Variants in CFAP70 observed in about 807,000 individuals in gnomAD.
CFAP70 encodes the protein cilia- and flagella-associated protein 70.
Under a neutral mutation model 137.6 loss-of-function variants are expected in CFAP70, and 81 were observed. That is an observed-to-expected ratio of 0.59 (90% confidence interval 0.49 to 0.71). The LOEUF is 0.71. Ranked by LOEUF, CFAP70 falls within the 30% of genes least tolerant of loss-of-function variation. CFAP70 has a pLI of 0.00. For missense variants in CFAP70, 976 were observed against 1,226.7 expected, an observed-to-expected ratio of 0.80 and a Z score of 3.05; for synonymous variants, 382 against 423.6, an observed-to-expected ratio of 0.90 and a Z score of 1.20.
intron 25 of CFAP70, among the ~76,000 whole-genome samples, chr10:73,265,197 C>T (rs1194988190): frequency 1.3e-5 from 2 of 151,972 alleles, no homozygotes; most frequent in African/African-American, 4.8e-5. Flanking sequence ...TGGTGGCCGG[C>T]GCCTGTAGTT....
At chr10:73,288,900 G>A (rs1329243478) in intron 19 of CFAP70, among the ~76,000 whole-genome samples, 1 of 152,182 alleles carries the variant, frequency 6.6e-6, no homozygotes, top group Non-Finnish European at 1.5e-5. Context: ...TAGCCTGAAT[G>A]CTTGGAGATG....
chr10:73,295,154 C>CA (rs1008492905), intron 15 of CFAP70: 4 of 152,640 alleles, frequency 2.6e-5, no homozygotes, highest in East Asian at 1.9e-4. Context: ...CCCATCTCTA[C>CA]AAAAAAATAC....
At chr10:73,315,000 G>C (rs879582565) in intron 9 of CFAP70, among the ~76,000 whole-genome samples, 3 of 151,854 alleles carry the variant, frequency 2.0e-5, no homozygotes, top group African/African-American at 4.8e-5. Context: ...GATCGTTTGA[G>C]CCCAGGAGTT....
chr10:73,347,897 G>A (rs971530321), intron 4 of CFAP70, among the ~76,000 whole-genome samples: 1 of 152,202 alleles, frequency 6.6e-6, no homozygotes, highest in East Asian at 1.9e-4. Flanking sequence ...TGCGGACAAA[G>A]TAACTGATAC....
chr10:73,257,508 A>G (rs2044645045), intron 25 of CFAP70, among the ~76,000 whole-genome samples: 1 of 152,232 alleles, frequency 6.6e-6, no homozygotes. Flanking sequence ...TTAAATATGT[A>G]AGAACCACAG....
At position 73,339,821 on chromosome 10, in the gene CFAP70, T is replaced by G. The variant is rs771144920; in HGVS notation, c.582+1578A>C. Among the ~76,000 whole-genome samples, 74 of 152,180 alleles carry G rather than the reference T, an allele frequency of 4.9e-4. 1 individual carries two copies. The Middle Eastern group carries it at 0.017, about 35-fold the overall frequency. ...ACCAGAAACTGAAGAGCCCCAGGTG[T>G]CAGACCTGGCTCAGGGAGCTCCTAG... On this transcript the variant is annotated intron_variant, in intron 6 of 26. Coordinates refer to ENST00000310715, the Ensembl canonical transcript of CFAP70.
intron 16 of CFAP70, among the ~76,000 whole-genome samples, chr10:73,292,463 C>T (rs571462011): frequency 1.3e-5 from 2 of 152,176 alleles, no homozygotes; most frequent in East Asian, 3.9e-4. Flanking sequence ...AATGGAAAGA[C>T]ATTTCATGTT....
chr10:73,343,510 ACCAG>A (rs1421390163), intron 5 of CFAP70, among the ~76,000 whole-genome samples: 1 of 152,108 alleles, frequency 6.6e-6, no homozygotes, highest in African/African-American at 2.4e-5. Context: ...GGAGTTCAAG[ACCAG>A]CCTGGCCAAC....
intron 9 of CFAP70, among the ~76,000 whole-genome samples, chr10:73,317,812 G>T (rs1226163972): frequency 2.0e-5 from 3 of 152,130 alleles, no homozygotes; most frequent in Admixed American, 6.5e-5. Flanking sequence ...AAGGAAGAAA[G>T]AAAAAAGAAA....
intron 25 of CFAP70, among the ~76,000 whole-genome samples, chr10:73,264,777 C>G (rs993178610): frequency 6.6e-6 from 1 of 152,134 alleles, no homozygotes; most frequent in African/African-American, 2.4e-5. Flanking sequence ...AGTCTAATTA[C>G]GTTATTCATT....
intron 9 of CFAP70, among the ~76,000 whole-genome samples, 168 bp from the exon 11 acceptor site, chr10:73,312,811 G>C (rs1274704400): frequency 1.3e-5 from 2 of 152,124 alleles, no homozygotes; most frequent in African/African-American, 4.8e-5. Context: ...TTCTAGAACA[G>C]GTAAAACCAC....
At chr10:73,352,591 C>T (rs2054361451) in intron 3 of CFAP70, among the ~76,000 whole-genome samples, 1 of 152,088 alleles carries the variant, frequency 6.6e-6, no homozygotes, top group South Asian at 2.1e-4. Context: ...CTGTGTCATT[C>T]CCCAGGTCCC....
intron 12 of CFAP70, among the ~76,000 whole-genome samples, chr10:73,309,808 C>T (rs1040378090): frequency 3.3e-5 from 5 of 151,972 alleles, no homozygotes; most frequent in Middle Eastern, 3.4e-3. Flanking sequence ...AGGTGCATGC[C>T]GCCATGCCCG....
At chr10:73,331,177 C>CATA (rs2052035714) in exon 8 of CFAP70, 2 of 1,606,570 alleles carry the variant, frequency 1.2e-6, no homozygotes, top group Non-Finnish European at 1.7e-6. Context: ...GCATATTTAC[C>CATA]TTTTCAGTTT....
At chr10:73,272,397 G>A (rs2046384316) in intron 24 of CFAP70, among the ~76,000 whole-genome samples, 1 of 152,126 alleles carries the variant, frequency 6.6e-6, no homozygotes, top group African/African-American at 2.4e-5. Flanking sequence ...GAAAGGGAGA[G>A]ACATGGAGTC....
At chr10:73,280,343 A>C (rs1185355496) in intron 19 of CFAP70, among the ~76,000 whole-genome samples, 1 of 152,032 alleles carries the variant, frequency 6.6e-6, no homozygotes, top group Admixed American at 6.5e-5. Flanking sequence ...TAAATAAATA[A>C]GTATTGTGTC....
chr10:73,342,733 C>T (rs1356068797), intron 5 of CFAP70, among the ~76,000 whole-genome samples: 1 of 151,732 alleles, frequency 6.6e-6, no homozygotes, highest in Admixed American at 6.6e-5. Context: ...AGAATAGCAA[C>T]AACAAAAAAA....
intron 26 of CFAP70, among the ~76,000 whole-genome samples, chr10:73,254,787 T>C (rs1020073333): frequency 6.6e-6 from 1 of 152,238 alleles, no homozygotes; most frequent in African/African-American, 2.4e-5. Flanking sequence ...TAAGCTACGC[T>C]GGCTGTCTTG....
At chr10:73,337,943 T>C (rs2052841101) in intron 6 of CFAP70, among the ~76,000 whole-genome samples, 1 of 152,120 alleles carries the variant, frequency 6.6e-6, no homozygotes. Flanking sequence ...TTATCCCTGA[T>C]GTTTATTATG....
Sources: gnomAD v4.1 joint callset for allele counts (sites outside exome capture counted in the v4.1 genomes callset) on GRCh38, gnomAD v4.1.1 for gene constraint, MANE v1.5 for transcripts, NCBI Gene and HGNC (gene_info 2026-07-23, HGNC 2026-07-21) for gene names.